Variants in THAP5 observed in about 807,000 individuals in gnomAD.
The protein encoded by THAP5 is THAP domain-containing protein 5.
Under a neutral mutation model 34.0 loss-of-function variants are expected in THAP5, and 26 were observed. That is an observed-to-expected ratio of 0.77 (90% confidence interval 0.56 to 1.06). THAP5 has a LOEUF of 1.06. Among genes scored for constraint, THAP5 ranks in the 50% least tolerant of loss-of-function variants. The probability of loss-of-function intolerance (pLI) is 0.00; values close to 1 mark genes in which losing one functional copy is unlikely to be tolerated. For missense variants in THAP5, 394 were observed against 452.8 expected, an observed-to-expected ratio of 0.87 and a Z score of 1.18; for synonymous variants, 125 against 153.0, an observed-to-expected ratio of 0.82 and a Z score of 1.35.
chr7:108,558,619 A>G (rs1864405128), downstream of THAP5, among the ~76,000 whole-genome samples: 1 of 151,330 alleles, frequency 6.6e-6, no homozygotes, highest in Non-Finnish European at 1.5e-5. Context: ...GCTGGTCTTG[A>G]ACTCCTGATC....
downstream of THAP5, among the ~76,000 whole-genome samples, chr7:108,551,437 T>C (rs1441245240): frequency 1.3e-5 from 2 of 152,236 alleles, no homozygotes; most frequent in African/African-American, 4.8e-5. Flanking sequence ...TCTTCTTCCA[T>C]ATAAGGATGT....
Position 108,564,353 on chromosome 7 carries a change from A to T in THAP5, c.1026T>A (p.His342Gln). 6.2e-7 allele frequency: 1 copy of T among 1,613,830 alleles called. No homozygotes were observed. Among genetic ancestry groups the T allele is most frequent in the Non-Finnish European group, 8.5e-7 (1 of 1,179,868 alleles). Residue 342 changes from histidine to glutamine, a missense_variant, in exon 3 of 3, where the codon CAT (histidine) becomes CAA (glutamine). Coordinates refer to ENST00000415914, the MANE Select transcript of THAP5 (RefSeq NM_001130475.3). ...EHLWQKVSKL[H>Q]SKITLLELKE... ...TTAACTCTAGAAGAGTTATCTTTGA[A>T]TGTAGCTTAGAGACTTTCTGCCAAA...
intron 1 of THAP5, 121 bp downstream of exon 1, chr7:108,569,369 C>A: frequency 6.6e-7 from 1 of 1,508,730 alleles, no homozygotes; most frequent in Admixed American, 2.1e-5. Flanking sequence ...CCGCGGGCGA[C>A]GGGCCACGTA....
downstream of THAP5, among the ~76,000 whole-genome samples, chr7:108,554,063 C>G (rs1864370488): frequency 6.6e-6 from 1 of 152,150 alleles, no homozygotes; most frequent in Non-Finnish European, 1.5e-5. Flanking sequence ...GTTTGGCCCC[C>G]TAACTTTCCC....
the THAP5 span, among the ~76,000 whole-genome samples, chr7:108,546,350 G>C: frequency 1.3e-5 from 2 of 152,272 alleles, no homozygotes; most frequent in East Asian, 3.9e-4. Context: ...GTGTGATTTA[G>C]TTATAATAAT....
exon 2 of THAP5, chr7:108,554,712 A>G (rs1864374548): frequency 6.6e-6 from 1 of 152,146 alleles, no homozygotes; most frequent in African/African-American, 2.4e-5. Context: ...ATTTCTCTGA[A>G]GTGTACTGTC....
downstream of THAP5, among the ~76,000 whole-genome samples, chr7:108,558,394 T>C (rs1335555518): frequency 1.6e-5 from 2 of 125,470 alleles, no homozygotes; most frequent in Non-Finnish European, 3.3e-5. Context: ...TATATATATA[T>C]ATATATATAT....
At chr7:108,543,514 T>C in the THAP5 span, among the ~76,000 whole-genome samples, 1 of 152,212 alleles carries the variant, frequency 6.6e-6, no homozygotes, top group East Asian at 1.9e-4. Context: ...ATGGTGATCA[T>C]CTGCCATCAC....
At chr7:108,549,089 T>TACACACACACACACAC in the THAP5 span, among the ~76,000 whole-genome samples, 10 of 136,506 alleles carry the variant, frequency 7.3e-5, no homozygotes, top group African/African-American at 2.2e-4. Context: ...ACATGCTTAA[T>TACACACACACACACAC]ACACACACAC....
the THAP5 span, among the ~76,000 whole-genome samples, chr7:108,543,833 G>A: frequency 2.0e-5 from 3 of 151,986 alleles, no homozygotes; most frequent in Admixed American, 1.3e-4. Context: ...CATACACATA[G>A]GTAAACACAA....
chr7:108,551,552 A>G (rs1383282198), downstream of THAP5, among the ~76,000 whole-genome samples: 3 of 152,230 alleles, frequency 2.0e-5, no homozygotes, highest in Non-Finnish European at 4.4e-5. Flanking sequence ...ATTCTGTTAT[A>G]GCAGTAGAAA....
intron 1 of THAP5, among the ~76,000 whole-genome samples, chr7:108,555,758 A>C (rs901827301): frequency 1.4e-5 from 2 of 145,276 alleles, no homozygotes; most frequent in Non-Finnish European, 3.0e-5. Context: ...GCTGGAGTGC[A>C]GTGGCATGAC....
intron 1 of THAP5, among the ~76,000 whole-genome samples, chr7:108,555,350 T>G (rs1330712333): frequency 6.6e-6 from 1 of 152,040 alleles, no homozygotes; most frequent in African/African-American, 2.4e-5. Context: ...GTATTTTTAG[T>G]AGAGGAGGGG....
chr7:108,549,337 G>T, the THAP5 span, among the ~76,000 whole-genome samples: 1 of 152,036 alleles, frequency 6.6e-6, no homozygotes, highest in Non-Finnish European at 1.5e-5. Flanking sequence ...GGCCAGTATG[G>T]TCTCGATCTC....
chr7:108,551,854 G>A (rs1284776866), downstream of THAP5, among the ~76,000 whole-genome samples: 1 of 152,216 alleles, frequency 6.6e-6, no homozygotes, highest in African/African-American at 2.4e-5. Context: ...TGATTTTAAT[G>A]CACAGTGAGT....
downstream of THAP5, among the ~76,000 whole-genome samples, chr7:108,560,173 G>C (rs78670373): frequency 2.1e-3 from 324 of 152,220 alleles, 4 homozygotes; most frequent in East Asian, 0.015. Context: ...GGCTTAGTAG[G>C]CCACTTCTTT....
At chr7:108,549,089 T>TACACACACACACACACACACAC in the THAP5 span, among the ~76,000 whole-genome samples, 4 of 136,506 alleles carry the variant, frequency 2.9e-5, no homozygotes, top group Admixed American at 7.4e-5. Context: ...ACATGCTTAA[T>TACACACACACACACACACACAC]ACACACACAC....
At chr7:108,566,176 T>C (rs1790484496) in intron 1 of THAP5, among the ~76,000 whole-genome samples, 154 bp from the exon 2 acceptor site, 1 of 152,222 alleles carries the variant, frequency 6.6e-6, no homozygotes, top group African/African-American at 2.4e-5. Context: ...AGCATCTTCA[T>C]GACAACTAGT....
At chr7:108,543,998 G>A in the THAP5 span, among the ~76,000 whole-genome samples, 47 of 152,230 alleles carry the variant, frequency 3.1e-4, 1 homozygote, top group African/African-American at 1.1e-3. Flanking sequence ...CAATAAATTT[G>A]ACAACTTAGA....
Sources: gnomAD v4.1 joint callset for allele counts (sites outside exome capture counted in the v4.1 genomes callset) on GRCh38, gnomAD v4.1.1 for gene constraint, MANE v1.5 for transcripts, NCBI Gene and HGNC (gene_info 2026-07-23, HGNC 2026-07-21) for gene names.